Variants in GMPS observed in about 807,000 individuals in gnomAD.
GMPS encodes GMP synthase [glutamine-hydrolyzing].
Under a neutral mutation model 77.9 loss-of-function variants are expected in GMPS, and 15 were observed. The observed-to-expected ratio is 0.19, with a 90% CI of 0.13 to 0.30. The LOEUF (loss-of-function observed/expected upper bound fraction) is 0.30. GMPS is among the 10% of genes least tolerant of loss of function. The pLI is 1.00. For missense variants in GMPS, 590 were observed against 838.8 expected, an observed-to-expected ratio of 0.70 and a Z score of 3.66; for synonymous variants, 224 against 275.9, an observed-to-expected ratio of 0.81 and a Z score of 1.86.
intron 12 of GMPS, among the ~76,000 whole-genome samples, chr3:155,927,312 A>G (rs890700866): frequency 2.0e-5 from 3 of 152,208 alleles, no homozygotes; most frequent in Non-Finnish European, 4.4e-5. Flanking sequence ...TGGACAGGTT[A>G]TTTAATTCTT....
chr3:155,870,987 C>T (rs965631242), intron 1 of GMPS, 90 bp downstream of exon 1: 11 of 1,213,774 alleles, frequency 9.1e-6, no homozygotes, highest in Non-Finnish European at 1.1e-5. Context: ...TCCCCACCCC[C>T]TTCCCCCAGC....
At chr3:155,919,169 C>A in intron 9 of GMPS, 64 bp from the exon 10 acceptor site, 1 of 686,274 alleles carries the variant, frequency 1.5e-6, no homozygotes, top group South Asian at 1.9e-5. Flanking sequence ...TAATTTATTA[C>A]GCTTTGTTTT....
At chr3:155,895,535 T>A (rs1227518790) in intron 2 of GMPS, 5 of 152,218 alleles carry the variant, frequency 3.3e-5, no homozygotes. Flanking sequence ...GGTCTTGAAC[T>A]CCTGAGCTAA....
chr3:155,912,005 A>T (rs1032368113), intron 7 of GMPS, among the ~76,000 whole-genome samples: 4 of 152,128 alleles, frequency 2.6e-5, no homozygotes, highest in Non-Finnish European at 4.4e-5. Context: ...AAGGGCCACT[A>T]GTAAACTTCT....
rs1264830371 is a variant in GMPS, at chr3:155,940,746, T to G, written c.*3054T>G. 9.0e-6 allele frequency: 2 copies of G among 222,286 alleles called. No homozygotes were observed. Among genetic ancestry groups the G allele is most frequent in the Non-Finnish European group, 1.8e-5 (2 of 111,514 alleles). The allele number at this position is 222,286 out of a possible 1,614,324, so 13.8% of individuals were successfully genotyped here. On this transcript the variant is annotated 3_prime_UTR_variant, in exon 16 of 16. Coordinates refer to ENST00000496455, the MANE Select transcript of GMPS (RefSeq NM_003875.3). ...AATGGAGAAGCTGGATAGTGTTTTT[T>G]TTTTTTTTTTTTAAGGTTCTTTTAT... is the stretch of plus-strand genomic sequence containing the variant.
intron 2 of GMPS, among the ~76,000 whole-genome samples, chr3:155,896,751 T>TTA (rs71138686): frequency 0.28 from 34,427 of 123,832 alleles, 5,758 homozygotes; most frequent in Non-Finnish European, 0.4. Flanking sequence ...TTTTTTTTTT[T>TTA]TATAAATTTG....
In GMPS at chr3:155,874,895, T is replaced by C. The variant is rs192975917; in HGVS notation, c.27+3998T>C. Among the ~76,000 whole-genome samples the C allele has an allele frequency of 1.1e-4, 16 of 150,186 alleles. No individual in the cohort carries two copies. In the East Asian group the frequency reaches 2.6e-3, roughly 24 times the overall value. ...GCTGTTGTAGTACATTCTTAAACTT[T>C]GTTTTCTTTTTTTTTTTTTTTTTTT... On this transcript the variant is annotated intron_variant, in intron 1 of 15. Coordinates refer to ENST00000496455, the MANE Select transcript of GMPS (RefSeq NM_003875.3).
At chr3:155,923,154 A>G (rs1476560513) in intron 11 of GMPS, among the ~76,000 whole-genome samples, 2 of 152,216 alleles carry the variant, frequency 1.3e-5, no homozygotes, top group Admixed American at 6.5e-5. Flanking sequence ...AGAATAATGT[A>G]TAAGAGACTA....
Position 155,939,392 on chromosome 3 carries a change from T to C in GMPS, c.*1700T>C, listed in dbSNP as rs909395806. ...AGCCACAGTGTCTTATGATTTTGTA[T>C]TGAAGCAAACAGTAGGAATTTTGGA... is the stretch of plus-strand genomic sequence containing the variant. On this transcript the variant is annotated 3_prime_UTR_variant, in exon 16 of 16. Coordinates refer to ENST00000496455, the MANE Select transcript of GMPS (RefSeq NM_003875.3). 5 of 207,278 alleles carry C rather than the reference T, an allele frequency of 2.4e-5. No homozygotes were observed. In the South Asian group the frequency reaches 9.4e-4, roughly 39 times the overall value. The allele number at this position is 207,278 out of a possible 1,614,324, so 12.8% of individuals were successfully genotyped here.
chr3:155,930,757 T>G (rs1755593422), intron 12 of GMPS, among the ~76,000 whole-genome samples: 1 of 152,214 alleles, frequency 6.6e-6, no homozygotes, highest in South Asian at 2.1e-4. Context: ...GTCTCCCACT[T>G]AAGAATTCTT....
At chr3:155,909,785 T>G (rs1754982400) in intron 5 of GMPS, among the ~76,000 whole-genome samples, 1 of 151,506 alleles carries the variant, frequency 6.6e-6, no homozygotes, top group South Asian at 2.1e-4. Context: ...CTTCAAAATA[T>G]TTAAAAATTA....
rs1755827803 is a variant in GMPS, at chr3:155,939,013, G to A, written c.*1321G>A. ...ATTAATCAGGAATGAAATTTTATTT[G>A]GGATTCAGTGTTAGACAAACAACAA... On this transcript the variant is annotated 3_prime_UTR_variant, in exon 16 of 16. Transcript: ENST00000496455. 4.6e-6 allele frequency: 1 copy of A among 218,196 alleles called. No homozygotes were observed. The highest frequency in any genetic ancestry group is 2.2e-5 in the African/African-American group (1 of 44,484). The allele number at this position is 218,196 out of a possible 1,614,324, so 13.5% of individuals were successfully genotyped here. A position where few individuals can be genotyped will look rare whatever the true frequency, so the allele number is the denominator to read the frequency against.
Position 155,910,788 on chromosome 3 carries a change from A to G in GMPS, c.623A>G (p.Tyr208Cys). 1 of 1,611,740 alleles carries G rather than the reference A, an allele frequency of 6.2e-7. No homozygotes were observed. Among genetic ancestry groups the G allele is most frequent in the Non-Finnish European group, 8.5e-7 (1 of 1,178,040 alleles). Residue 208 changes from tyrosine (Y) to cysteine (C), a missense_variant, in exon 6 of 16, where the codon TAT becomes TGT. Tyr to Cys is a radical substitution (Grantham distance 194). This residue lies in a region of GMPS where 136 missense variants were observed against 225.6 expected (regional missense o/e 0.60). Transcript: ENST00000496455. The stretch of plus-strand genomic sequence containing the variant: ...AAAGTAATACTGAAGAATTTCCTTT[A>G]TGATATAGCTGGATGCAGTGGAACC... ...NGKVILKNFL[Y>C]DIAGCSGTFT...
chr3:155,879,558 C>T (rs965235850), intron 1 of GMPS, among the ~76,000 whole-genome samples: 9 of 152,180 alleles, frequency 5.9e-5, no homozygotes, highest in African/African-American at 9.6e-5. Flanking sequence ...TGAGCTACCA[C>T]GCCTGACCCA....
chr3:155,911,896 C>G (rs1479570169), intron 7 of GMPS, among the ~76,000 whole-genome samples: 8 of 150,730 alleles, frequency 5.3e-5, no homozygotes, highest in Non-Finnish European at 1.5e-5. Flanking sequence ...TATTTATGTA[C>G]GAGGCTACCC....
chr3:155,915,881 G>A, intron 8 of GMPS, 138 bp from the exon 9 acceptor site: 1 of 631,680 alleles, frequency 1.6e-6, no homozygotes, highest in South Asian at 2.0e-5. Context: ...TCATTAAGGA[G>A]TTTATTTTGG....
In GMPS at chr3:155,934,935, C is replaced by T. The variant is rs375949741; in HGVS notation, c.1696C>T (p.Pro566Ser). ...TTCCAGAGTTGTTTATATATTTGGC[C>T]CACCAGTTAAAGAACCTCCTACAGA... The part of the protein sequence containing the change: ...NVNRVVYIFG[P>S]PVKEPPTDVT... Residue 566 changes from proline (P) to serine (S), a missense_variant, in exon 14 of 16, where the codon CCA becomes TCA. Physicochemically the swap from Pro to Ser is moderately conservative, Grantham distance 74. This residue lies in a region of GMPS where 73 missense variants were observed against 170.5 expected (regional missense o/e 0.43). Transcript: ENST00000496455. The T allele has an allele frequency of 2.7e-5, 43 of 1,584,262 alleles. No homozygotes were observed. In the African/African-American group the frequency reaches 5.4e-4, roughly 20 times the overall value.
chr3:155,881,910 C>A (rs113874718), intron 1 of GMPS, among the ~76,000 whole-genome samples: 8,298 of 152,052 alleles, frequency 0.055, 319 homozygotes, highest in East Asian at 0.18. Context: ...ACTAAAAATA[C>A]AGAACATTAG....
chr3:155,939,987 G>T lies in GMPS; in HGVS notation c.*2295G>T, dbSNP rs2292716. The stretch of plus-strand genomic sequence containing the variant: ...AGGTTTCCTTAGTCCAGATTGTCCT[G>T]ATGTGTATTCTGACACCTAAAATTA... On this transcript the variant is annotated 3_prime_UTR_variant, in exon 16 of 16. Transcript: ENST00000496455. 0.058 allele frequency: 11,877 copies of T among 204,660 alleles called. 500 individuals carry two copies. Among genetic ancestry groups the T allele is most frequent in the South Asian group, 0.17 (900 of 5,272 alleles). 12.7% of individuals were successfully genotyped at this position (204,660 alleles called of 1,614,324 possible). A position where few individuals can be genotyped will look rare whatever the true frequency, so the allele number is the denominator to read the frequency against.
Sources: allele counts gnomAD v4.1 joint callset (sites outside exome capture counted in the v4.1 genomes callset), GRCh38; gene constraint gnomAD v4.1.1; regional missense constraint gnomAD v4.1.1; transcripts MANE v1.5; gene names NCBI Gene and HGNC (gene_info 2026-07-23, HGNC 2026-07-21).